PGM3: variants seen among roughly 807,000 people sequenced by gnomAD.
The protein encoded by PGM3 is phosphoglucomutase 3.
PGM3 carries 40 observed loss-of-function variants against 66.2 expected under a neutral mutation model. The ratio of observed to expected loss-of-function variants is 0.60; its 90% CI spans 0.47 to 0.79. The LOEUF (loss-of-function observed/expected upper bound fraction) is 0.79. Ranked by LOEUF, PGM3 falls within the 30% of genes least tolerant of loss-of-function variation. The probability of loss-of-function intolerance (pLI) is 0.00; values close to 1 mark genes in which losing one functional copy is unlikely to be tolerated. For synonymous variants in PGM3, 191 were observed against 224.2 expected (o/e 0.85, Z 1.32); for missense variants, 537 against 643.4 (o/e 0.83, Z 1.79).
At chr6:83,161,954 G>C (rs544178980), downstream of PGM3, among the ~76,000 whole-genome samples, 7 of 152,112 alleles carry the variant, frequency 4.6e-5, no homozygotes, top group Non-Finnish European at 1.0e-4. Context: ...GTACTACTAT[G>C]TTGCTGTTAA....
chr6:83,152,353 A>G, the PGM3 span: 1 of 1,538,856 alleles, frequency 6.5e-7, no homozygotes, highest in Non-Finnish European at 8.8e-7. Context: ...CCATGCATTG[A>G]CATTACTCTC....
chr6:83,175,960 A>G lies in PGM3; in HGVS notation c.1128+2T>C, dbSNP rs1482899258. 1.3e-6 allele frequency: 2 copies of G among 1,574,656 alleles called. No homozygotes were observed. The highest frequency in any genetic ancestry group is 1.3e-5 in the African/African-American group (1 of 74,160). ...AGGCCAACTATAATTAAGAGAACTT[A>G]CAGTGCCATGCCCATTTGCTTCAAA... On this transcript the variant is annotated splice_donor_variant, in intron 9 of 12. Transcript: ENST00000513973. LOFTEE classifies it high-confidence loss of function.
At chr6:83,150,913 A>G in the PGM3 span, among the ~76,000 whole-genome samples, 1 of 152,146 alleles carries the variant, frequency 6.6e-6, no homozygotes, top group Admixed American at 6.5e-5. Flanking sequence ...ATCATTACAA[A>G]CCCAAATTAA....
chr6:83,181,601 A>G (rs1233340339), intron 6 of PGM3, 135 bp downstream of exon 6: 4 of 607,268 alleles, frequency 6.6e-6, no homozygotes, highest in Non-Finnish European at 1.2e-5. Context: ...GAGTGGGAAG[A>G]CTTCTCAATG....
At chr6:83,187,585 G>A (rs1380105886) in intron 3 of PGM3, among the ~76,000 whole-genome samples, 1 of 152,062 alleles carries the variant, frequency 6.6e-6, no homozygotes, top group African/African-American at 2.4e-5. Context: ...AGGCCGAGGT[G>A]GGTGGATCAC....
Position 83,166,005 on chromosome 6 carries a change from C to G in PGM3, c.*3229G>C. 1 of 304,734 alleles carries G rather than the reference C, an allele frequency of 3.3e-6. No individual in the cohort carries two copies. Among genetic ancestry groups the G allele is most frequent in the Non-Finnish European group, 6.3e-6 (1 of 157,990 alleles). 18.9% of individuals were successfully genotyped at this position (304,734 alleles called of 1,614,324 possible). ...TTTGGCTTTGGGAAGTGCTTTGGAG[C>G]TTCTTTCAGTCCAGCCACTGAGCTG... is the stretch of plus-strand genomic sequence containing the variant. On this transcript the variant is annotated 3_prime_UTR_variant, in exon 13 of 13. Transcript: ENST00000513973.
At chr6:83,164,586 TA>T (rs1164119026), downstream of PGM3, 7 of 1,419,812 alleles carry the variant, frequency 4.9e-6, no homozygotes, top group Non-Finnish European at 4.9e-6. Flanking sequence ...CAAATCACCT[TA>T]AACAAGGTCT....
At chr6:83,184,302 G>C (rs1406291151) in intron 4 of PGM3, among the ~76,000 whole-genome samples, 1 of 152,106 alleles carries the variant, frequency 6.6e-6, no homozygotes, top group Admixed American at 6.5e-5. Context: ...TCAAACACAA[G>C]AATTTGACTG....
intron 1 of PGM3, chr6:83,191,225 G>A (rs1789020838): frequency 6.5e-7 from 1 of 1,535,094 alleles, no homozygotes; most frequent in Admixed American, 2.0e-5. Flanking sequence ...CCACTCCTGG[G>A]CAGACTCAGG....
downstream of PGM3, among the ~76,000 whole-genome samples, chr6:83,160,561 T>C (rs912862796): frequency 1.3e-5 from 2 of 152,176 alleles, no homozygotes; most frequent in Admixed American, 6.5e-5. Context: ...GGCTATGTAG[T>C]GTGGAGAATG....
At chr6:83,155,916 GAC>G in the PGM3 span, 1 of 1,589,362 alleles carries the variant, frequency 6.3e-7, no homozygotes, top group Admixed American at 1.8e-5. Flanking sequence ...TTCTTCAGAT[GAC>G]AGTGTCACAG....
Position 83,167,921 on chromosome 6 carries a change from G to C in PGM3, c.*1313C>G. The C allele has an allele frequency of 6.2e-7, 1 of 1,613,956 alleles. No homozygotes were observed. ...TGGGTTGGGAGCCAGGGCACTTGCTGCTCACCATCTGCACCGTGCGCAGTA... is the reference window on the plus strand; with the variant it reads ...TGGGTTGGGAGCCAGGGCACTTGCTCCTCACCATCTGCACCGTGCGCAGTA... On this transcript the variant is annotated 3_prime_UTR_variant, in exon 13 of 13. Transcript: ENST00000513973.
chr6:83,163,593 T>A (rs1157595464), downstream of PGM3, among the ~76,000 whole-genome samples: 1 of 152,212 alleles, frequency 6.6e-6, no homozygotes, highest in Non-Finnish European at 1.5e-5. Flanking sequence ...GATTATAACC[T>A]ACATTCAGAA....
At chr6:83,154,085 C>T in the PGM3 span, 1 of 1,612,844 alleles carries the variant, frequency 6.2e-7, no homozygotes, top group Non-Finnish European at 8.5e-7. Flanking sequence ...ATGCACCTCA[C>T]AGTCTGATGA....
downstream of PGM3, chr6:83,158,621 C>A: frequency 6.3e-7 from 1 of 1,597,998 alleles, no homozygotes; most frequent in Non-Finnish European, 8.6e-7. Context: ...AGATATTTCA[C>A]GGTAATATGT....
chr6:83,152,639 G>C, the PGM3 span, among the ~76,000 whole-genome samples: 1 of 126,922 alleles, frequency 7.9e-6, no homozygotes, highest in Non-Finnish European at 1.7e-5. Context: ...TTTTTTTTGA[G>C]ACAGTTTCAC....
intron 7 of PGM3, among the ~76,000 whole-genome samples, chr6:83,179,336 A>G (rs1788008469): frequency 6.6e-6 from 1 of 151,984 alleles, no homozygotes; most frequent in Non-Finnish European, 1.5e-5. Flanking sequence ...AAAATCTATT[A>G]AATTCTTAAA....
chr6:83,178,255 G>C (rs1406081357), intron 8 of PGM3, among the ~76,000 whole-genome samples: 2 of 152,178 alleles, frequency 1.3e-5, no homozygotes, highest in East Asian at 3.9e-4. Context: ...GTGACAGGTA[G>C]ATAGTTACAA....
chr6:83,157,615 A>G (rs1332328066), downstream of PGM3, among the ~76,000 whole-genome samples: 1 of 152,194 alleles, frequency 6.6e-6, no homozygotes, highest in Non-Finnish European at 1.5e-5. Context: ...GTCATGGCCT[A>G]CAGTCCTGAC....
Sources: gnomAD v4.1 joint callset for allele counts (sites outside exome capture counted in the v4.1 genomes callset) on GRCh38, gnomAD v4.1.1 for gene constraint, MANE v1.5 for transcripts, NCBI Gene and HGNC (gene_info 2026-07-23, HGNC 2026-07-21) for gene names.